The following HUWE1 variants were observed in gnomAD, a reference collection of about 807,000 sequenced individuals.
HUWE1 encodes HECT, UBA and WWE domain containing E3 ubiquitin protein ligase 1, also known as E3 ubiquitin-protein ligase HUWE1.
Under a neutral mutation model 299.4 loss-of-function variants are expected in HUWE1, and 18 were observed. The observed-to-expected ratio is 0.06, with a 90% CI of 0.04 to 0.09. The LOEUF is 0.09. Ranked by LOEUF, HUWE1 falls within the 10% of genes least tolerant of loss-of-function variation. The pLI is 1.00. For missense variants in HUWE1, 1,832 were observed against 3,462.3 expected (o/e 0.53, Z 11.82); for synonymous variants, 1,317 against 1,286.1 (o/e 1.02, Z -0.51).
In HUWE1 at chrX:53,583,105, C is replaced by G. The variant is rs1160894268; in HGVS notation, c.5520+453G>C. Among the ~76,000 whole-genome samples the G allele has an allele frequency of 3.6e-5, 4 of 111,626 alleles. No individual in the cohort carries two copies. The Admixed American group carries it at 3.8e-4, about 11-fold the overall frequency. On this transcript the variant is annotated intron_variant, in intron 42 of 83. Transcript: ENST00000262854. ...CAATGGATATTTGTTAAGTGTCTATCACAGTGCCTGGCAGATTACAAACAT... is the reference window on the plus strand; with the variant it reads ...CAATGGATATTTGTTAAGTGTCTATGACAGTGCCTGGCAGATTACAAACAT...
Position 53,632,504 on chromosome X carries a change from C to T in HUWE1, c.628G>A (p.Val210Ile). 8.3e-7 allele frequency: 1 copy of T among 1,204,581 alleles called. No homozygotes were observed. Among genetic ancestry groups the T allele is most frequent in the Non-Finnish European group, 1.1e-6 (1 of 888,945 alleles). Reference sequence around the variant, plus strand: ...AGACTCACCCTTTTCTCAATTTTGACCTCGGCCCCAGGATCTGCATAGAAT... The same window carrying T: ...AGACTCACCCTTTTCTCAATTTTGATCTCGGCCCCAGGATCTGCATAGAAT... The part of the protein sequence containing the change: ...FEFYADPGAE[V>I]KIEKRTTSNT... Residue 210 changes from valine to isoleucine, a missense_variant, in exon 9 of 84, where the codon GTC becomes ATC. This residue lies in a region of HUWE1 where 658 missense variants were observed against 1,282.6 expected (regional missense o/e 0.51). Transcript: ENST00000262854.
At chrX:53,607,850 ATTCT>A in intron 24 of HUWE1, 151 bp from the exon 25 acceptor site, 1 of 452,460 alleles carries the variant, frequency 2.2e-6, no homozygotes. Flanking sequence ...TATGATACGG[ATTCT>A]AAAACATCCA....
At chrX:53,611,807 G>A (rs1196635364) in intron 23 of HUWE1, among the ~76,000 whole-genome samples, 1 of 108,124 alleles carries the variant, frequency 9.2e-6, no homozygotes, top group Non-Finnish European at 1.9e-5. Context: ...GCAGTGAGCT[G>A]AGCTCGTGCC....
chrX:53,684,109 T>C (rs1222874348), intron 2 of HUWE1: 1 of 257,451 alleles, frequency 3.9e-6, no homozygotes, highest in Non-Finnish European at 6.9e-6. Context: ...TAGCTACAGC[T>C]TCACCCTACG....
At chrX:53,656,000 C>A (rs2068724959) in intron 3 of HUWE1, among the ~76,000 whole-genome samples, 1 of 111,767 alleles carries the variant, frequency 8.9e-6, no homozygotes, top group African/African-American at 3.3e-5. Context: ...CCCAAGAAAT[C>A]TATTTTAAAA....
At chrX:53,596,733 A>G (rs1556985397) in intron 29 of HUWE1, among the ~76,000 whole-genome samples, 1 of 112,334 alleles carries the variant, frequency 8.9e-6, no homozygotes, top group Non-Finnish European at 1.9e-5. Context: ...AACCTGGAAT[A>G]AACCTGGGTC....
At chrX:53,654,723 T>C (rs1428549690) in intron 3 of HUWE1, among the ~76,000 whole-genome samples, 2 of 112,272 alleles carry the variant, frequency 1.8e-5, no homozygotes, top group Non-Finnish European at 3.8e-5. Context: ...AAGATGTTCA[T>C]GATGAAATAA....
intron 19 of HUWE1, among the ~76,000 whole-genome samples, chrX:53,622,398 G>A (rs1014991059): frequency 4.5e-5 from 5 of 111,726 alleles, no homozygotes; most frequent in Admixed American, 9.5e-5. Context: ...TTAGTGCCCA[G>A]GGCACCTCAA....
At position 53,560,336 on chromosome X, in the gene HUWE1, G is replaced by A. The variant is rs2062226432; in HGVS notation, c.7588C>T (p.Leu2530=). 3 of 1,211,933 alleles carry A rather than the reference G, an allele frequency of 2.5e-6. No individual in the cohort carries two copies. Among genetic ancestry groups the A allele is most frequent in the Non-Finnish European group, 1.1e-6 (1 of 895,522 alleles). Residue 2530 remains leucine (L), a synonymous_variant, in exon 56 of 84, where the codon CTG becomes TTG. Transcript: ENST00000262854. The part of the protein sequence containing the change: ...VRHADHSSLT[L]GSGSSTTRLT... ...CGAGTTGTTGAAGAGCCACTGCCCA[G>A]TGTCAGAGAACTGTGGTCTGCATGG...
At chrX:53,649,410 C>T (rs976431003) in intron 4 of HUWE1, among the ~76,000 whole-genome samples, 3 of 111,770 alleles carry the variant, frequency 2.7e-5, no homozygotes, top group African/African-American at 3.3e-5. Context: ...CTAACATGTA[C>T]CTATATATCC....
At chrX:53,540,389 T>C (rs2061286850) in intron 74 of HUWE1, among the ~76,000 whole-genome samples, 1 of 109,858 alleles carries the variant, frequency 9.1e-6, no homozygotes, top group African/African-American at 3.3e-5. Context: ...AGTGCAGTGG[T>C]GCGACCTTGG....
At position 53,580,858 on chromosome X, in the gene HUWE1, G is replaced by A; in HGVS notation, c.5689C>T (p.Leu1897Phe). 1 of 1,211,432 alleles carries A rather than the reference G, an allele frequency of 8.3e-7. No individual in the cohort carries two copies. The highest frequency in any genetic ancestry group is 1.1e-6 in the Non-Finnish European group (1 of 895,409). The change falls in exon 43 of 84, where the codon CTT becomes TTT. Residue 1897 changes from leucine to phenylalanine, a missense_variant. By Grantham distance (22) the Leu-to-Phe change is conservative. Around this residue, in one of 15 missense-constraint regions of HUWE1, gnomAD observed 47 missense variants for 45.8 expected, o/e 1.03. Coordinates refer to ENST00000262854, the MANE Select transcript of HUWE1 (RefSeq NM_031407.7). ...EVANCCIRIA[L>F]PAPRGSGTAS... ...GTTCCTGAGCCTCGAGGGGCAGGAA[G>A]GGCGATGCGGATACAGCAGTTGGCC...
In HUWE1 at chrX:53,627,559, A is replaced by C. The variant is rs781852904; in HGVS notation, c.1384-44T>G. The C allele has an allele frequency of 9.2e-6, 7 of 757,481 alleles. No individual in the cohort carries two copies. The East Asian group carries it at 2.6e-4, about 28-fold the overall frequency. 62.4% of individuals were successfully genotyped at this position (757,481 alleles called of 1,213,427 possible). On this transcript the variant is annotated intron_variant, in intron 16 of 83. Transcript: ENST00000262854. Reference sequence around the variant, plus strand: ...TTATAAGAAAATCAAGTATATATATATATATTTTTTTTTTCAGGGATTAAA... The same window carrying C: ...TTATAAGAAAATCAAGTATATATATCTATATTTTTTTTTTCAGGGATTAAA...
chrX:53,567,748 G>A (rs782615022), intron 49 of HUWE1, among the ~76,000 whole-genome samples: 9 of 111,829 alleles, frequency 8.0e-5, no homozygotes, highest in African/African-American at 2.9e-4. Context: ...GATTGATAGT[G>A]TAGACATTTG....
rs1246834896 is a variant in HUWE1 at position 53,645,750 on chromosome X, T to A, written c.352-287A>T. On this transcript the variant is annotated intron_variant, in intron 6 of 83. Coordinates refer to ENST00000262854, the MANE Select transcript of HUWE1 (RefSeq NM_031407.7). ...AAAAAAAAAAAAATATATATATATA[T>A]ATATATATATATATATATATATATA... Among the ~76,000 whole-genome samples, 6,478 of 64,143 alleles carry A rather than the reference T, an allele frequency of 0.1. 1,302 individuals carry two copies. Among genetic ancestry groups the A allele is most frequent in the African/African-American group, 0.38 (5,305 of 14,063 alleles). The allele number at this position is 64,143 out of a possible 115,157, so 55.7% of individuals were successfully genotyped here.
intron 9 of HUWE1, chrX:53,631,908 C>CAGTATTA (rs782600181): frequency 2.8e-6 from 1 of 357,349 alleles, no homozygotes; most frequent in East Asian, 5.3e-5. Context: ...ACTTAATATC[C>CAGTATTA]ATAGCAGTAT....
intron 55 of HUWE1, among the ~76,000 whole-genome samples, chrX:53,560,740 C>T (rs1003131151): frequency 8.9e-6 from 1 of 112,017 alleles, no homozygotes. Context: ...TCTTTACCTG[C>T]TCTTCTCTTC....
In HUWE1 at chrX:53,536,664, A is replaced by G; in HGVS notation, c.12141T>C (p.Tyr4047=). Residue 4047 remains tyrosine, a synonymous_variant, in exon 79 of 84, where the codon TAT becomes TAC. Transcript: ENST00000262854. ...KSPEEMKNRL[Y]IVFEGEEGQD... is the part of the protein sequence containing the mutation. ...GCCCTTCTTCTCCTTCAAATACTAT[A>G]TACCTGCATAAGAAAGCAGAAGCAG... 8.3e-7 allele frequency: 1 copy of G among 1,208,078 alleles called. No individual in the cohort carries two copies. Among genetic ancestry groups the G allele is most frequent in the South Asian group, 1.8e-5 (1 of 56,818 alleles).
chrX:53,617,751 C>A (rs1413976583), intron 19 of HUWE1, among the ~76,000 whole-genome samples: 1 of 111,791 alleles, frequency 8.9e-6, no homozygotes, highest in Non-Finnish European at 1.9e-5. Flanking sequence ...CACAACGACC[C>A]ATTCATTTTG....
Sources: allele counts gnomAD v4.1 joint callset (sites outside exome capture counted in the v4.1 genomes callset), GRCh38; gene constraint gnomAD v4.1.1; regional missense constraint gnomAD v4.1.1; transcripts MANE v1.5; gene names NCBI Gene and HGNC (gene_info 2026-07-23, HGNC 2026-07-21).